The following SUGCT variants were observed in gnomAD, a reference collection of about 807,000 sequenced individuals.
SUGCT encodes succinyl-CoA:glutarate-CoA transferase.
SUGCT carries 41 observed loss-of-function variants against 55.0 expected under a neutral mutation model. The ratio of observed to expected loss-of-function variants is 0.74; its 90% confidence interval spans 0.58 to 0.97. The LOEUF is 0.97. Among genes scored for constraint, SUGCT ranks in the 50% least tolerant of loss-of-function variants. SUGCT has a pLI of 0.00. For missense variants in SUGCT, 568 were observed against 547.8 expected (o/e 1.04, Z -0.37); for synonymous variants, 187 against 200.4 (o/e 0.93, Z 0.56).
chr7:40,760,371 A>G (rs1239591436), intron 13 of SUGCT, among the ~76,000 whole-genome samples: 3 of 152,190 alleles, frequency 2.0e-5, no homozygotes, highest in African/African-American at 7.2e-5. Context: ...GTGATTCCAT[A>G]TAAGGTACTT....
chr7:40,900,918 G>A, the SUGCT span, among the ~76,000 whole-genome samples: 1 of 152,168 alleles, frequency 6.6e-6, no homozygotes, highest in African/African-American at 2.4e-5. Flanking sequence ...CAAAATATAA[G>A]ATAAATGAGG....
At chr7:40,483,563 C>A (rs1306450905) in intron 11 of SUGCT, among the ~76,000 whole-genome samples, 1 of 151,878 alleles carries the variant, frequency 6.6e-6, no homozygotes, top group African/African-American at 2.4e-5. Context: ...ATTAAAGTAG[C>A]TCCTATATGA....
At chr7:40,663,340 G>A (rs569503098) in intron 12 of SUGCT, among the ~76,000 whole-genome samples, 40 of 151,682 alleles carry the variant, frequency 2.6e-4, no homozygotes, top group African/African-American at 8.5e-4. Flanking sequence ...TTATGTGAAT[G>A]TATTATTCAC....
intron 1 of SUGCT, among the ~76,000 whole-genome samples, chr7:40,161,789 T>C (rs1784164397): frequency 6.6e-6 from 1 of 152,334 alleles, no homozygotes; most frequent in African/African-American, 2.4e-5. Context: ...CTAAGTTTTT[T>C]CCTTTGACTT....
Position 40,666,546 on chromosome 7 carries a change from T to C in SUGCT, c.1090-82888T>C, listed in dbSNP as rs546790739. 3.4e-5 allele frequency among the ~76,000 whole-genome samples: 5 copies of C among 149,092 alleles called. No homozygotes were observed. The East Asian group carries it at 8.0e-4, about 24-fold the overall frequency. The stretch of plus-strand genomic sequence containing the variant: ...TTTCAAAGAATGAAGAAGGAAGTAG[T>C]GGGCGGATAGTGGGAAGACCAATGA... On this transcript the variant is annotated intron_variant, in intron 12 of 13. Coordinates refer to ENST00000335693, the MANE Select transcript of SUGCT (RefSeq NM_001193313.2).
At chr7:40,940,759 A>C in the SUGCT span, among the ~76,000 whole-genome samples, 3 of 152,016 alleles carry the variant, frequency 2.0e-5, no homozygotes. Context: ...GAATTCATTT[A>C]TCAAATCTAG....
chr7:40,432,685 C>CAAAAAAAA (rs61055999), intron 9 of SUGCT, among the ~76,000 whole-genome samples: 1 of 115,696 alleles, frequency 8.6e-6, no homozygotes, highest in Non-Finnish European at 1.8e-5. Context: ...GACTCCCTCT[C>CAAAAAAAA]AAAAAAAAAA....
intron 9 of SUGCT, among the ~76,000 whole-genome samples, chr7:40,384,254 G>T (rs970335678): frequency 3.3e-5 from 5 of 152,184 alleles, no homozygotes; most frequent in Non-Finnish European, 7.3e-5. Flanking sequence ...AAGCTGCTCT[G>T]TGGGGTGCTG....
rs561974052 is a variant in SUGCT at position 40,221,092 on chromosome 7, T to C, written c.485-16543T>C. ...CAACCCGAAAAACAAAAGGCAGTTT[T>C]CATTTATATTCATTTGGAAAATACA... is the stretch of plus-strand genomic sequence containing the variant. On this transcript the variant is annotated intron_variant, in intron 6 of 13. Coordinates refer to ENST00000335693, the MANE Select transcript of SUGCT (RefSeq NM_001193313.2). 4.6e-5 allele frequency among the ~76,000 whole-genome samples: 7 copies of C among 152,274 alleles called. No homozygotes were observed. In the South Asian group the frequency reaches 1.5e-3, roughly 32 times the overall value.
intron 1 of SUGCT, 121 bp from the exon 2 acceptor site, chr7:40,180,826 G>A: frequency 1.4e-6 from 1 of 740,628 alleles, no homozygotes; most frequent in Non-Finnish European, 2.3e-6. Flanking sequence ...TGTGGTCTGT[G>A]GACTCCCTTG....
chr7:40,155,201 C>T (rs879620986), intron 1 of SUGCT, among the ~76,000 whole-genome samples: 1 of 151,892 alleles, frequency 6.6e-6, no homozygotes, highest in Non-Finnish European at 1.5e-5. Context: ...AGGAGAATCA[C>T]TTGAACCTGG....
intron 8 of SUGCT, among the ~76,000 whole-genome samples, chr7:40,276,937 C>G (rs1326132242): frequency 6.6e-6 from 1 of 152,044 alleles, no homozygotes; most frequent in East Asian, 1.9e-4. Flanking sequence ...ATTCCCAGCC[C>G]AGCCTTTGTC....
At chr7:40,300,365 A>G (rs749184385) in intron 8 of SUGCT, among the ~76,000 whole-genome samples, 10 of 152,122 alleles carry the variant, frequency 6.6e-5, no homozygotes, top group Non-Finnish European at 1.2e-4. Flanking sequence ...ACTGCTGAGG[A>G]TGTAAAAAAG....
At chr7:40,473,692 T>C (rs1364309952) in intron 11 of SUGCT, among the ~76,000 whole-genome samples, 1 of 152,176 alleles carries the variant, frequency 6.6e-6, no homozygotes, top group African/African-American at 2.4e-5. Context: ...GTTTTCTAAT[T>C]TGCCAGCTCA....
At chr7:40,442,879 C>CTT (rs1311797513) in intron 9 of SUGCT, among the ~76,000 whole-genome samples, 1 of 152,150 alleles carries the variant, frequency 6.6e-6, no homozygotes, top group East Asian at 1.9e-4. Context: ...CCCTTCCCCC[C>CTT]ACACCATGAC....
the SUGCT span, among the ~76,000 whole-genome samples, chr7:40,978,401 G>T: frequency 0.38 from 57,918 of 151,922 alleles, 11,142 homozygotes; most frequent in South Asian, 0.42. Context: ...GACTTTCACT[G>T]ATTTATTCAA....
chr7:40,525,872 T>G (rs1180138822), intron 12 of SUGCT, among the ~76,000 whole-genome samples: 1 of 152,158 alleles, frequency 6.6e-6, no homozygotes, highest in East Asian at 1.9e-4. Context: ...GGAGCAGAGG[T>G]GCAGAAGACG....
the SUGCT span, among the ~76,000 whole-genome samples, chr7:40,923,484 G>A: frequency 3.3e-5 from 5 of 152,156 alleles, no homozygotes; most frequent in South Asian, 2.1e-4. Flanking sequence ...TAGGTAGAGA[G>A]TCAATAATCA....
At chr7:40,374,848 T>A (rs995964568) in intron 9 of SUGCT, among the ~76,000 whole-genome samples, 4 of 152,150 alleles carry the variant, frequency 2.6e-5, no homozygotes, top group Non-Finnish European at 5.9e-5. Flanking sequence ...AGCAATTTTA[T>A]CTGGCTTGAG....
Sources: allele counts gnomAD v4.1 joint callset (sites outside exome capture counted in the v4.1 genomes callset), GRCh38; gene constraint gnomAD v4.1.1; transcripts MANE v1.5; gene names NCBI Gene and HGNC (gene_info 2026-07-23, HGNC 2026-07-21).